The following PCLO variants were observed in gnomAD, a reference collection of about 807,000 sequenced individuals.
PCLO encodes the protein piccolo presynaptic cytomatrix protein.
Under a neutral mutation model 427.5 loss-of-function variants are expected in PCLO, and 82 were observed. The observed-to-expected ratio is 0.19, with a 90% confidence interval of 0.16 to 0.23. The LOEUF is 0.23. Among genes scored for constraint, PCLO ranks in the 10% least tolerant of loss-of-function variants. The probability of loss-of-function intolerance (pLI) is 1.00; values close to 1 mark genes in which losing one functional copy is unlikely to be tolerated. For synonymous variants in PCLO, 2,357 were observed against 2,155.4 expected (o/e 1.09, Z -2.59); for missense variants, 6,239 against 6,115.9 (o/e 1.02, Z -0.67).
At position 82,950,320 on chromosome 7, in the gene PCLO, T is replaced by C. The variant is rs764846082; in HGVS notation, c.10268A>G (p.Tyr3423Cys). 4.3e-6 allele frequency: 7 copies of C among 1,613,622 alleles called. No homozygotes were observed. In the African/African-American group the frequency reaches 9.4e-5, roughly 22 times the overall value. Residue 3423 changes from tyrosine (Y) to cysteine (C), a missense_variant, in exon 6 of 25, where the codon TAT becomes TGT. This residue lies in a region of PCLO where 4,677 missense variants were observed against 4,468.4 expected (regional missense o/e 1.05). Transcript: ENST00000333891. ...RSSGAKVRGQ[Y>C]DDMGENMTDD... ...TGTCATATTTTCTCCCATGTCATCA[T>C]ACTGTCCTCGGACTTTAGCTCCAGA...
At chr7:83,083,235 A>C (rs530291164) in intron 3 of PCLO, among the ~76,000 whole-genome samples, 1 of 152,140 alleles carries the variant, frequency 6.6e-6, no homozygotes, top group East Asian at 1.9e-4. Flanking sequence ...TAAGTAAATT[A>C]TGTTACAACT....
At position 82,944,754 on chromosome 7, in the gene PCLO, AAC is replaced by A. The variant is rs998746817; in HGVS notation, c.11112+4720_11112+4721del. Among the ~76,000 whole-genome samples, 49 of 152,296 alleles carry A rather than the reference AAC, an allele frequency of 3.2e-4. 1 individual carries two copies. Among genetic ancestry groups the A allele is most frequent in the African/African-American group, 1.1e-3 (47 of 41,568 alleles). ...ATAGTTGGTGACTTTTTACTGAAGA[AAC>A]ACAGATATTTGCCAAATGTCCATCT... On this transcript the variant is annotated intron_variant, in intron 6 of 24. Coordinates refer to ENST00000333891, the MANE Select transcript of PCLO (RefSeq NM_033026.6).
chr7:82,909,412 C>G (rs146492388), intron 7 of PCLO, among the ~76,000 whole-genome samples: 5,617 of 152,084 alleles, frequency 0.037, 147 homozygotes, highest in Non-Finnish European at 0.051. Context: ...ATACTCTCCC[C>G]ACAACCCACT....
chr7:82,861,093 G>C (rs921081295), intron 10 of PCLO, among the ~76,000 whole-genome samples: 1 of 151,976 alleles, frequency 6.6e-6, no homozygotes. Flanking sequence ...GGCAGGAGTA[G>C]GCTCTAACTT....
At chr7:83,104,171 A>AAAAAC (rs1554397886) in intron 3 of PCLO, among the ~76,000 whole-genome samples, 2 of 111,946 alleles carry the variant, frequency 1.8e-5, no homozygotes, top group African/African-American at 6.7e-5. Flanking sequence ...AGTGTTTTAG[A>AAAAAC]AAAATAAAGA....
At chr7:82,899,839 A>C (rs1180467546) in intron 9 of PCLO, among the ~76,000 whole-genome samples, 2 of 151,584 alleles carry the variant, frequency 1.3e-5, no homozygotes, top group Non-Finnish European at 3.0e-5. Context: ...TGAAGGAATA[A>C]TTCTTAATAT....
intron 10 of PCLO, chr7:82,848,801 A>C (rs1418463414): frequency 1.1e-5 from 3 of 268,218 alleles, no homozygotes; most frequent in Non-Finnish European, 2.4e-5. Flanking sequence ...ACTATAGTCA[A>C]ATGGTAAAAG....
chr7:82,824,959 CAAAT>C (rs781703472), intron 18 of PCLO, among the ~76,000 whole-genome samples: 5 of 151,778 alleles, frequency 3.3e-5, no homozygotes, highest in Admixed American at 6.6e-5. Flanking sequence ...AAAAAACAAA[CAAAT>C]AAACAAACAA....
intron 6 of PCLO, among the ~76,000 whole-genome samples, chr7:82,937,135 T>C (rs1041699467): frequency 2.0e-5 from 3 of 151,742 alleles, no homozygotes; most frequent in South Asian, 4.1e-4. Flanking sequence ...CATTTTTAAA[T>C]GGTTAATTTT....
In PCLO at chr7:82,913,408, T is replaced by C. The variant is rs548397260; in HGVS notation, c.13300+1278A>G. Among the ~76,000 whole-genome samples, 9 of 152,180 alleles carry C rather than the reference T, an allele frequency of 5.9e-5. No individual in the cohort carries two copies. In the South Asian group the frequency reaches 1.9e-3, roughly 32 times the overall value. On this transcript the variant is annotated intron_variant, in intron 7 of 24. Transcript: ENST00000333891. ...TTCCTGTGAGTCCTCAAGAAAGATGTTATGTTTGAAAAGGGAGATGTTCAT... is the reference window on the plus strand; with the variant it reads ...TTCCTGTGAGTCCTCAAGAAAGATGCTATGTTTGAAAAGGGAGATGTTCAT...
At chr7:82,779,748 T>TTC (rs974880499) in intron 22 of PCLO, among the ~76,000 whole-genome samples, 7 of 147,000 alleles carry the variant, frequency 4.8e-5, no homozygotes, top group South Asian at 4.2e-4. Context: ...CTTTCTTTCT[T>TTC]TTTTTTTTTT....
intron 20 of PCLO, among the ~76,000 whole-genome samples, chr7:82,817,074 G>A (rs1344028768): frequency 2.0e-5 from 3 of 152,058 alleles, no homozygotes; most frequent in Non-Finnish European, 4.4e-5. Context: ...CGTTAGAAAA[G>A]CATTTTGATT....
In PCLO at chr7:82,846,651, A is replaced by G; in HGVS notation, c.13764-17T>C. On this transcript the variant is annotated splice_polypyrimidine_tract_variant and intron_variant, in intron 11 of 24. Transcript: ENST00000333891. ...TTGAGGTCCCTAAAAATTAAAACAAAACATTAAGAAAGATATTGAGGAAAT... is the reference window on the plus strand; with the variant it reads ...TTGAGGTCCCTAAAAATTAAAACAAGACATTAAGAAAGATATTGAGGAAAT... 6.5e-7 allele frequency: 1 copy of G among 1,535,774 alleles called. No individual in the cohort carries two copies. The highest frequency in any genetic ancestry group is 2.3e-5 in the East Asian group (1 of 44,272).
chr7:82,834,315 C>T (rs1016544367), intron 16 of PCLO, among the ~76,000 whole-genome samples: 44 of 151,992 alleles, frequency 2.9e-4, no homozygotes, highest in African/African-American at 1.0e-3. Context: ...GCCTGAGATA[C>T]CTGGATTGTG....
chr7:83,090,363 G>A (rs140829410), intron 3 of PCLO, among the ~76,000 whole-genome samples: 194 of 152,278 alleles, frequency 1.3e-3, no homozygotes, highest in Non-Finnish European at 2.2e-3. Context: ...AACAAAAGGT[G>A]ACATTTGTCT....
At chr7:82,869,154 T>C (rs1189527154) in intron 10 of PCLO, among the ~76,000 whole-genome samples, 2 of 152,120 alleles carry the variant, frequency 1.3e-5, no homozygotes, top group Non-Finnish European at 2.9e-5. Context: ...ATTTAGTCCA[T>C]GATATTAACC....
chr7:82,805,207 A>T (rs182370118), intron 21 of PCLO, among the ~76,000 whole-genome samples: 32 of 152,278 alleles, frequency 2.1e-4, no homozygotes, highest in African/African-American at 7.5e-4. Context: ...GAAACCTTCA[A>T]TGTTAATTGT....
intron 3 of PCLO, among the ~76,000 whole-genome samples, chr7:83,057,183 A>C (rs1481587389): frequency 6.7e-6 from 1 of 148,588 alleles, no homozygotes. Context: ...TCCCGGGTTC[A>C]AGAGATTCTT....
At chr7:82,958,982 GT>G (rs1288852676) in intron 4 of PCLO, among the ~76,000 whole-genome samples, 1 of 152,072 alleles carries the variant, frequency 6.6e-6, no homozygotes, top group African/African-American at 2.4e-5. Context: ...TGGGGGTGGG[GT>G]ACTTAAGCTC....
Sources: allele counts gnomAD v4.1 joint callset (sites outside exome capture counted in the v4.1 genomes callset), GRCh38; gene constraint gnomAD v4.1.1; regional missense constraint gnomAD v4.1.1; transcripts MANE v1.5; gene names NCBI Gene and HGNC (gene_info 2026-07-23, HGNC 2026-07-21).